The following ATP8A2 variants were observed in gnomAD, a reference collection of about 807,000 sequenced individuals.
ATP8A2 encodes phospholipid-transporting ATPase IB.
Under a neutral mutation model 165.6 loss-of-function variants are expected in ATP8A2, and 100 were observed. That is an observed-to-expected ratio of 0.60 (90% CI 0.51 to 0.71). The LOEUF is 0.71. Ranked by LOEUF, ATP8A2 falls within the 30% of genes least tolerant of loss-of-function variation. ATP8A2 has a pLI of 0.00. For synonymous variants in ATP8A2, 543 were observed against 548.8 expected (o/e 0.99, Z 0.15); for missense variants, 1,227 against 1,479.5 (o/e 0.83, Z 2.80).
At position 25,968,642 on chromosome 13, in the gene ATP8A2, C is replaced by G; in HGVS notation, c.3340C>G (p.Leu1114Val). Residue 1114 changes from leucine (L) to valine (V), a missense_variant, in exon 35 of 37, where the codon CTG becomes GTG. Leu to Val is a conservative substitution (Grantham distance 32). Around this residue, in one of 5 missense-constraint regions of ATP8A2, gnomAD observed 260 missense variants for 245.1 expected, o/e 1.06. Coordinates refer to ENST00000381655, the MANE Select transcript of ATP8A2 (RefSeq NM_016529.6). ...GGAGCTGGAAACCAAGTCTCGAGTCCTGGGAAAAGCGGTGCTGCGGGATAG... is the reference window on the plus strand; with the variant it reads ...GGAGCTGGAAACCAAGTCTCGAGTCGTGGGAAAAGCGGTGCTGCGGGATAG... Reference protein sequence around the residue: ...VQELETKSRVLGKAVLRDSNG... With the variant: ...VQELETKSRVVGKAVLRDSNG... 2 of 1,613,782 alleles carry G rather than the reference C, an allele frequency of 1.2e-6. No individual in the cohort carries two copies. The highest frequency in any genetic ancestry group is 1.7e-6 in the Non-Finnish European group (2 of 1,179,966).
rs562067503 is a variant in ATP8A2, at chr13:25,953,889, C to T, written c.3184-7686C>T. On this transcript the variant is annotated intron_variant, in intron 33 of 36. Transcript: ENST00000381655. This position sits in a 1 kb window ranked among gnomAD's most constrained non-coding sequence, Gnocchi z 6.7. ...AGGAGATTCCCTCCGGTGCCTACAT[C>T]ACCAGGGCCCTGGGTTTCAAGCACA... 6.6e-6 allele frequency among the ~76,000 whole-genome samples: 1 copy of T among 152,322 alleles called. No individual in the cohort carries two copies. The highest frequency in any genetic ancestry group is 2.1e-4 in the South Asian group (1 of 4,818).
In ATP8A2 at chr13:25,714,123, A is replaced by AAAGGAAGG. The variant is rs71808617; in HGVS notation, c.2384+14796_2384+14803dup. 9.2e-4 allele frequency among the ~76,000 whole-genome samples: 140 copies of AAAGGAAGG among 151,468 alleles called. 1 individual carries two copies. Among genetic ancestry groups the AAAGGAAGG allele is most frequent in the African/African-American group, 2.4e-3 (97 of 41,132 alleles). The stretch of plus-strand genomic sequence containing the variant: ...GCTGTATCCCTCTGCTAAAAGAAAG[A>AAAGGAAGG]AAGGAAGGAAGGAAGGAAGGAAGGA... On this transcript the variant is annotated intron_variant, in intron 25 of 36. Transcript: ENST00000381655.
At chr13:25,648,192 T>C (rs1377115180) in intron 24 of ATP8A2, among the ~76,000 whole-genome samples, 1 of 152,210 alleles carries the variant, frequency 6.6e-6, no homozygotes, top group Non-Finnish European at 1.5e-5. Context: ...TAATTGAGCC[T>C]GGTGTTGAAA....
intron 27 of ATP8A2, among the ~76,000 whole-genome samples, chr13:25,785,571 G>C (rs1369571608): frequency 1.3e-5 from 2 of 152,008 alleles, no homozygotes; most frequent in Non-Finnish European, 2.9e-5. Flanking sequence ...TCTTTTGCCA[G>C]TAGAGACATA....
intron 24 of ATP8A2, among the ~76,000 whole-genome samples, chr13:25,677,036 T>C (rs1397182060): frequency 6.6e-6 from 1 of 152,182 alleles, no homozygotes; most frequent in Non-Finnish European, 1.5e-5. Context: ...CTGGGCCAGA[T>C]CATTGCCTGG....
intron 33 of ATP8A2, among the ~76,000 whole-genome samples, chr13:25,924,016 G>A (rs1023125963): frequency 4.6e-5 from 7 of 152,108 alleles, no homozygotes; most frequent in Non-Finnish European, 8.8e-5. Flanking sequence ...AGATGGATGG[G>A]GAAACCAGTA....
intron 27 of ATP8A2, among the ~76,000 whole-genome samples, chr13:25,777,908 C>T (rs1232740401): frequency 2.0e-5 from 3 of 152,228 alleles, no homozygotes; most frequent in Non-Finnish European, 2.9e-5. Context: ...CGCCCCCAAA[C>T]CTCCTTCCGT....
intron 33 of ATP8A2, among the ~76,000 whole-genome samples, chr13:25,891,912 C>T (rs1953375297): frequency 6.6e-6 from 1 of 151,540 alleles, no homozygotes; most frequent in South Asian, 2.1e-4. Flanking sequence ...GTAGTGTGTG[C>T]GTGTGTGTGG....
At chr13:25,488,708 A>C (rs1243211766) in intron 2 of ATP8A2, among the ~76,000 whole-genome samples, 1 of 152,216 alleles carries the variant, frequency 6.6e-6, no homozygotes, top group African/African-American at 2.4e-5. Context: ...TGTCTCAAGA[A>C]GAAAAAAACC....
At chr13:25,907,088 G>A (rs976831740) in intron 33 of ATP8A2, among the ~76,000 whole-genome samples, 9 of 152,152 alleles carry the variant, frequency 5.9e-5, no homozygotes, top group South Asian at 4.1e-4. Flanking sequence ...AAAACTAGCC[G>A]GCGTGGTAGT....
intron 1 of ATP8A2, among the ~76,000 whole-genome samples, chr13:25,401,354 C>G (rs1182362733): frequency 6.6e-6 from 1 of 152,086 alleles, no homozygotes; most frequent in Non-Finnish European, 1.5e-5. Flanking sequence ...ATATTTTCAA[C>G]CTGAAATAGT....
chr13:25,959,472 C>G (rs769430654), intron 33 of ATP8A2, among the ~76,000 whole-genome samples: 1 of 152,112 alleles, frequency 6.6e-6, no homozygotes, highest in African/African-American at 2.4e-5. Context: ...AATACCAAAA[C>G]GAGACTACAA....
rs114176084 is a variant in ATP8A2, at chr13:25,454,489, C to T, written c.77-14488C>T. On this transcript the variant is annotated intron_variant, in intron 1 of 36. Transcript: ENST00000381655. ...TTGGGCCCAGAAAGCCTTCATGTGGCGACGTTGATCTGATGGCTGTGACAG... is the reference window on the plus strand; with the variant it reads ...TTGGGCCCAGAAAGCCTTCATGTGGTGACGTTGATCTGATGGCTGTGACAG... Among the ~76,000 whole-genome samples, 1,426 of 152,064 alleles carry T rather than the reference C, an allele frequency of 9.4e-3. 26 individuals carry two copies. The highest frequency in any genetic ancestry group is 0.032 in the African/African-American group (1,325 of 41,482).
intron 35 of ATP8A2, among the ~76,000 whole-genome samples, chr13:25,977,225 TTAATCTTGTAGAGCAAAG>T (rs1420154719): frequency 1.3e-5 from 2 of 151,778 alleles, no homozygotes; most frequent in African/African-American, 4.9e-5. Flanking sequence ...TTGAATGCGT[TTAATCTTGTAGAGCAAAG>T]AACCTTGGGC....
intron 23 of ATP8A2, among the ~76,000 whole-genome samples, chr13:25,589,191 G>C (rs1175868189): frequency 6.6e-6 from 1 of 152,076 alleles, no homozygotes; most frequent in South Asian, 2.1e-4. Context: ...CAGGAAAAGT[G>C]ACTCCCTCAG....
intron 24 of ATP8A2, among the ~76,000 whole-genome samples, chr13:25,642,817 T>C (rs1454433293): frequency 6.6e-6 from 1 of 152,174 alleles, no homozygotes; most frequent in Non-Finnish European, 1.5e-5. Context: ...CCAATCAAAA[T>C]GTCCAACAGT....
chr13:25,639,483 A>G (rs1418240226), intron 24 of ATP8A2, among the ~76,000 whole-genome samples: 2 of 152,312 alleles, frequency 1.3e-5, no homozygotes, highest in Non-Finnish European at 1.5e-5. Flanking sequence ...CTTTAAATCA[A>G]TGAAGATCGA....
At position 25,643,742 on chromosome 13, in the gene ATP8A2, G is replaced by GTT. The variant is rs151259703; in HGVS notation, c.2211+54052_2211+54053dup. 5.4e-3 allele frequency among the ~76,000 whole-genome samples: 754 copies of GTT among 140,106 alleles called. 4 individuals are homozygous for GTT. Among genetic ancestry groups the GTT allele is most frequent in the African/African-American group, 0.018 (684 of 38,552 alleles). 91.9% of individuals were successfully genotyped at this position (140,106 alleles called of 152,430 possible). On this transcript the variant is annotated intron_variant, in intron 24 of 36. Transcript: ENST00000381655. ...TTCGTGATTGCTTTGGTTTTGTTTT[G>GTT]TTTTTTTTTTCAGTTCCAGATGAAT...
At chr13:25,567,467 T>C (rs2039349412) in intron 16 of ATP8A2, 1 of 449,456 alleles carries the variant, frequency 2.2e-6, no homozygotes. Flanking sequence ...AATTTCTTTT[T>C]AGTTTAGTGG....
Sources: gnomAD v4.1 joint callset for allele counts (sites outside exome capture counted in the v4.1 genomes callset) on GRCh38, gnomAD v4.1.1 for gene constraint, gnomAD v4.1.1 regional missense constraint, Gnocchi (gnomAD v3.1) non-coding constraint, MANE v1.5 for transcripts, NCBI Gene and HGNC (gene_info 2026-07-23, HGNC 2026-07-21) for gene names.